MATN2: variants seen among roughly 807,000 people sequenced by gnomAD.
MATN2 encodes matrilin-2.
Under a neutral mutation model 103.2 loss-of-function variants are expected in MATN2, and 69 were observed. The observed-to-expected ratio is 0.67, with a 90% confidence interval of 0.55 to 0.82. The LOEUF is 0.82. Among genes scored for constraint, MATN2 ranks in the 40% least tolerant of loss-of-function variants. The pLI is 0.00. For synonymous variants in MATN2, 429 were observed against 450.2 expected (o/e 0.95, Z 0.60); for missense variants, 1,023 against 1,211.5 (o/e 0.84, Z 2.31).
chr8:97,967,542 G>A (rs1240667871), intron 5 of MATN2, among the ~76,000 whole-genome samples: 1 of 152,170 alleles, frequency 6.6e-6, no homozygotes, highest in Non-Finnish European at 1.5e-5. Flanking sequence ...CAAAACAAAG[G>A]GCAATAGGAC....
chr8:97,906,571 G>A (rs1474286182), intron 2 of MATN2, among the ~76,000 whole-genome samples: 1 of 152,178 alleles, frequency 6.6e-6, no homozygotes, highest in Non-Finnish European at 1.5e-5. Flanking sequence ...GCTGAGGCCA[G>A]CACCAGACAC....
At chr8:97,945,344 C>A (rs1360966345) in intron 4 of MATN2, among the ~76,000 whole-genome samples, 1 of 152,032 alleles carries the variant, frequency 6.6e-6, no homozygotes, top group Non-Finnish European at 1.5e-5. Flanking sequence ...AAATAAGGAA[C>A]AAAAAGTTTA....
intron 3 of MATN2, among the ~76,000 whole-genome samples, chr8:97,937,214 A>G (rs2130166841): frequency 6.6e-6 from 1 of 152,262 alleles, no homozygotes; most frequent in South Asian, 2.1e-4. Context: ...TCAGACCACC[A>G]CGGCAGCTCC....
intron 12 of MATN2, among the ~76,000 whole-genome samples, chr8:98,020,585 C>A (rs1813554004): frequency 6.6e-6 from 1 of 152,236 alleles, no homozygotes. Context: ...TTTCACCATT[C>A]CTGCTTCCTA....
chr8:97,890,868 T>C (rs539552120), intron 2 of MATN2, among the ~76,000 whole-genome samples: 13 of 152,358 alleles, frequency 8.5e-5, no homozygotes, highest in African/African-American at 3.1e-4. Flanking sequence ...GTTTCTTAGG[T>C]TAATTTTTTT....
chr8:97,883,737 G>A (rs1381242013), intron 1 of MATN2, among the ~76,000 whole-genome samples: 1 of 152,024 alleles, frequency 6.6e-6, no homozygotes, highest in Non-Finnish European at 1.5e-5. Flanking sequence ...TGTATTTTTA[G>A]TAGAGACGGG....
At chr8:97,898,552 A>G (rs940773969) in intron 2 of MATN2, among the ~76,000 whole-genome samples, 4 of 150,920 alleles carry the variant, frequency 2.7e-5, no homozygotes, top group African/African-American at 9.8e-5. Context: ...AGCTGAGATC[A>G]CACCACTACA....
At chr8:97,883,101 C>T (rs991211142) in intron 1 of MATN2, among the ~76,000 whole-genome samples, 5 of 151,886 alleles carry the variant, frequency 3.3e-5, no homozygotes, top group African/African-American at 7.3e-5. Flanking sequence ...GTCAGGAGTT[C>T]GAGACTGGCC....
intron 8 of MATN2, among the ~76,000 whole-genome samples, chr8:98,006,231 T>C (rs1040070487): frequency 6.6e-5 from 10 of 152,218 alleles, no homozygotes; most frequent in African/African-American, 2.2e-4. Context: ...CTGGATGTCC[T>C]GATAATGGGG....
intron 8 of MATN2, among the ~76,000 whole-genome samples, chr8:98,004,670 G>T (rs1006883630): frequency 6.6e-6 from 1 of 152,238 alleles, no homozygotes; most frequent in Admixed American, 6.5e-5. Context: ...GCCAGACTGG[G>T]ACAAGAGGCC....
Position 97,982,364 on chromosome 8 carries a change from G to C in MATN2, c.1081+3356G>C, listed in dbSNP as rs1693573371. The stretch of plus-strand genomic sequence containing the variant: ...CGAAGCAGCCACCCTGTTTTAGTGA[G>C]TACCAAGGCCTCCCACCAGCTTCCA... On this transcript the variant is annotated intron_variant, in intron 6 of 18. Transcript: ENST00000254898. The surrounding 1 kb of genome is among the most constrained non-coding windows in gnomAD (Gnocchi z 4.3). Among the ~76,000 whole-genome samples the C allele has an allele frequency of 6.6e-6, 1 of 152,176 alleles. No individual in the cohort carries two copies. The highest frequency in any genetic ancestry group is 6.5e-5 in the Admixed American group (1 of 15,278).
At chr8:97,969,881 C>A (rs1293825176) in intron 5 of MATN2, among the ~76,000 whole-genome samples, 1 of 152,138 alleles carries the variant, frequency 6.6e-6, no homozygotes, top group Non-Finnish European at 1.5e-5. Context: ...GAGTGGGTGA[C>A]AAGAAAGTGT....
chr8:97,883,554 AT>A lies in MATN2; in HGVS notation c.-26-4504del, dbSNP rs552141646. 9.0e-3 allele frequency among the ~76,000 whole-genome samples: 1,204 copies of A among 133,116 alleles called. 8 individuals are homozygous for A. The highest frequency in any genetic ancestry group is 0.026 in the African/African-American group (928 of 36,368). 87.3% of individuals were successfully genotyped at this position (133,116 alleles called of 152,430 possible). ...AGGTGTGTGCCAACCTTCCCAGCTA[AT>A]TTTTTTTTTTTTTTTTGAGACAGAG... On this transcript the variant is annotated intron_variant, in intron 1 of 18. Transcript: ENST00000254898.
At chr8:97,900,760 T>C (rs951673373) in intron 2 of MATN2, among the ~76,000 whole-genome samples, 6 of 152,004 alleles carry the variant, frequency 3.9e-5, no homozygotes, top group African/African-American at 1.4e-4. Context: ...ACGGTGAAAC[T>C]CCGTCTCTGC....
chr8:98,035,522 A>G, intron 18 of MATN2, 135 bp from the exon 19 acceptor site: 3 of 556,178 alleles, frequency 5.4e-6, no homozygotes, highest in Non-Finnish European at 9.7e-6. Flanking sequence ...GGGTTTTAAC[A>G]TACTTGACAG....
intron 6 of MATN2, among the ~76,000 whole-genome samples, chr8:97,981,745 T>C (rs966679094): frequency 6.6e-6 from 1 of 152,140 alleles, no homozygotes; most frequent in African/African-American, 2.4e-5. Flanking sequence ...GGTCACCTGA[T>C]TTCCACCCCA....
At chr8:97,966,157 C>CA (rs545924613) in intron 5 of MATN2, among the ~76,000 whole-genome samples, 110 of 145,790 alleles carry the variant, frequency 7.5e-4, no homozygotes, top group Admixed American at 2.1e-3. Context: ...GACCTTGTCT[C>CA]AAAAAAAAAA....
intron 6 of MATN2, among the ~76,000 whole-genome samples, chr8:97,988,666 T>C (rs1812285751): frequency 6.6e-6 from 1 of 152,074 alleles, no homozygotes; most frequent in South Asian, 2.1e-4. Flanking sequence ...TGAATAGATC[T>C]CTATCTATTA....
intron 13 of MATN2, among the ~76,000 whole-genome samples, chr8:98,023,131 C>T (rs767568045): frequency 6.6e-6 from 1 of 151,818 alleles, no homozygotes; most frequent in Non-Finnish European, 1.5e-5. Context: ...AAAAATTAGC[C>T]GGGTGTGGTG....
Sources: allele counts gnomAD v4.1 joint callset (sites outside exome capture counted in the v4.1 genomes callset), GRCh38; gene constraint gnomAD v4.1.1; non-coding constraint Gnocchi (gnomAD v3.1); transcripts MANE v1.5; gene names NCBI Gene and HGNC (gene_info 2026-07-23, HGNC 2026-07-21).